The following PIEZO2 variants were observed in gnomAD, a reference collection of about 807,000 sequenced individuals.
PIEZO2 encodes the protein piezo-type mechanosensitive ion channel component 2.
Under a neutral mutation model 337.3 loss-of-function variants are expected in PIEZO2, and 172 were observed. The observed-to-expected ratio is 0.51, with a 90% CI of 0.45 to 0.58. The LOEUF (loss-of-function observed/expected upper bound fraction) is 0.58, where lower values mean the gene tolerates loss of function less well. Ranked by LOEUF, PIEZO2 falls within the 20% of genes least tolerant of loss-of-function variation. The pLI, the probability that PIEZO2 is intolerant of heterozygous loss-of-function variation, is 0.00. For missense variants in PIEZO2, 3,028 were observed against 3,391.3 expected (o/e 0.89, Z 2.66); for synonymous variants, 1,251 against 1,228.5 (o/e 1.02, Z -0.38).
Position 10,705,594 on chromosome 18 carries a change from G to A in PIEZO2, c.5741C>T (p.Ala1914Val). The change falls in exon 41 of 56, where the codon GCC becomes GTC. Residue 1914 changes from alanine to valine, a missense_variant. By Grantham distance (64) the Ala-to-Val change is moderately conservative. Transcript: ENST00000674853. ...GAGGCTGGCCTCCTCGGCACCCATG[G>A]CTCCCACATCGTACCCAGTGGCCTC... is the stretch of plus-strand genomic sequence containing the variant. ...EYEATGYDVG[A>V]MGAEEASLTP... 1.3e-6 allele frequency: 2 copies of A among 1,537,194 alleles called. No individual in the cohort carries two copies. The highest frequency in any genetic ancestry group is 8.7e-7 in the Non-Finnish European group (1 of 1,146,896).
intron 26 of PIEZO2, among the ~76,000 whole-genome samples, chr18:10,758,569 C>T (rs113138073): frequency 0.21 from 32,629 of 152,086 alleles, 3,741 homozygotes; most frequent in Non-Finnish European, 0.26. Flanking sequence ...CCTCAGCCTC[C>T]CAAGTAGCTG....
intron 2 of PIEZO2, among the ~76,000 whole-genome samples, chr18:11,014,874 C>T (rs188613783): frequency 2.3e-5 from 3 of 129,760 alleles, no homozygotes; most frequent in East Asian, 2.6e-4. Context: ...CGATCCAAGG[C>T]CCCCTCATTC....
chr18:10,836,351 T>C (rs2041013774), intron 7 of PIEZO2, among the ~76,000 whole-genome samples: 2 of 152,164 alleles, frequency 1.3e-5, no homozygotes, highest in African/African-American at 4.8e-5. Context: ...ATGAATATTT[T>C]TGAGATGAAA....
rs2039778224 is a variant in PIEZO2, at chr18:11,112,887, A to G, written c.64+35638T>C. On this transcript the variant is annotated intron_variant, in intron 1 of 55. Transcript: ENST00000674853. The surrounding 1 kb of genome is among the most constrained non-coding windows in gnomAD (Gnocchi z 4.3). ...ATATCCTGATCCTCAGGTTCTCTCA[A>G]ACAGTCTCTGGGCCCATCTAAGACT... is the stretch of plus-strand genomic sequence containing the variant. Among the ~76,000 whole-genome samples the G allele has an allele frequency of 6.6e-6, 1 of 152,122 alleles. No individual in the cohort carries two copies. The highest frequency in any genetic ancestry group is 1.5e-5 in the Non-Finnish European group (1 of 68,026).
chr18:10,835,600 G>C (rs1228050768), intron 7 of PIEZO2, among the ~76,000 whole-genome samples: 3 of 150,964 alleles, frequency 2.0e-5, no homozygotes, highest in Non-Finnish European at 4.4e-5. Context: ...CTGGAGTGCA[G>C]TGGCGCGATC....
rs2038761029 is a variant in PIEZO2, at chr18:10,775,756, C to T, written c.2535-1718G>A. 6.6e-6 allele frequency among the ~76,000 whole-genome samples: 1 copy of T among 152,088 alleles called. No individual in the cohort carries two copies. Among genetic ancestry groups the T allele is most frequent in the Non-Finnish European group, 1.5e-5 (1 of 68,018 alleles). ...GCCTTTTGGAAGTAGGTCCACAAGGCTGATTTCTAGAAACTTGTAATGGGA... is the reference window on the plus strand; with the variant it reads ...GCCTTTTGGAAGTAGGTCCACAAGGTTGATTTCTAGAAACTTGTAATGGGA... On this transcript the variant is annotated intron_variant, in intron 18 of 55. Transcript: ENST00000674853. This position sits in a 1 kb window ranked among gnomAD's most constrained non-coding sequence, Gnocchi z 4.3.
intron 45 of PIEZO2, among the ~76,000 whole-genome samples, 156 bp from the exon 46 acceptor site, chr18:10,696,695 C>G (rs1303842503): frequency 6.6e-6 from 1 of 152,208 alleles, no homozygotes; most frequent in Non-Finnish European, 1.5e-5. Context: ...CCGCTGTGGA[C>G]AGCTCCTGTT....
intron 7 of PIEZO2, among the ~76,000 whole-genome samples, chr18:10,838,205 G>A (rs1296469660): frequency 6.6e-6 from 1 of 151,992 alleles, no homozygotes; most frequent in African/African-American, 2.4e-5. Context: ...TTGCTAGTTC[G>A]GCTTCCAATT....
In PIEZO2 at chr18:10,994,054, T is replaced by C. The variant is rs113080063; in HGVS notation, c.161-14394A>G. 3.9e-3 allele frequency among the ~76,000 whole-genome samples: 589 copies of C among 152,314 alleles called. 6 individuals carry two copies. Among genetic ancestry groups the C allele is most frequent in the African/African-American group, 0.013 (541 of 41,564 alleles). On this transcript the variant is annotated intron_variant, in intron 2 of 55. Coordinates refer to ENST00000674853, the MANE Select transcript of PIEZO2 (RefSeq NM_001378183.1). Reference sequence around the variant, plus strand: ...CACAAAGTCTATTGTATCATTCTTTTGCCTTTGCATCTTACAGTTTAGCTT... The same window carrying C: ...CACAAAGTCTATTGTATCATTCTTTCGCCTTTGCATCTTACAGTTTAGCTT...
In PIEZO2 at chr18:10,783,710, A is replaced by G. The variant is rs2039112151; in HGVS notation, c.2492+1074T>C. On this transcript the variant is annotated intron_variant, in intron 17 of 55. Coordinates refer to ENST00000674853, the MANE Select transcript of PIEZO2 (RefSeq NM_001378183.1). The surrounding 1 kb of genome is among the most constrained non-coding windows in gnomAD (Gnocchi z 4.3). The stretch of plus-strand genomic sequence containing the variant: ...TGACTGATTGATACCTCTTGGTTCC[A>G]TGGGTTACGAGTCATCTGAAGTATC... 6.6e-6 allele frequency among the ~76,000 whole-genome samples: 1 copy of G among 152,192 alleles called. No individual in the cohort carries two copies. The highest frequency in any genetic ancestry group is 2.4e-5 in the African/African-American group (1 of 41,446).
chr18:10,773,516 C>T lies in PIEZO2; in HGVS notation c.2681G>A (p.Gly894Asp). 4 of 1,537,462 alleles carry T rather than the reference C, an allele frequency of 2.6e-6. No individual in the cohort carries two copies. The highest frequency in any genetic ancestry group is 3.5e-6 in the Non-Finnish European group (4 of 1,146,968). Residue 894 changes from glycine (G) to aspartate (D), a missense_variant, in exon 20 of 56, where the codon GGC (glycine) becomes GAC (aspartate). Around this residue, in one of 5 missense-constraint regions of PIEZO2, gnomAD observed 1,925 missense variants for 2,051.9 expected, o/e 0.94. Transcript: ENST00000674853. This position sits in a 1 kb window ranked among gnomAD's most constrained non-coding sequence, Gnocchi z 5.3. ...ACCCTTCTGGGCTTTTTCAGAGTAG[C>T]CCTCAAGCTTCTCCTCCCCAGGCTC... ...LAEPGEEKLE[G>D]YSEKAQKGDL...
chr18:10,893,382 CACCTCA>C (rs1334246214), intron 4 of PIEZO2, among the ~76,000 whole-genome samples: 1 of 152,188 alleles, frequency 6.6e-6, no homozygotes, highest in Non-Finnish European at 1.5e-5. Context: ...AGGTCACACC[CACCTCA>C]ACCTCACTGC....
In PIEZO2 at chr18:10,850,194, ACT is replaced by A. The variant is rs2041501245; in HGVS notation, c.917+5157_917+5158del. 6.6e-6 allele frequency among the ~76,000 whole-genome samples: 1 copy of A among 152,118 alleles called. No individual in the cohort carries two copies. Among genetic ancestry groups the A allele is most frequent in the South Asian group, 2.1e-4 (1 of 4,820 alleles). On this transcript the variant is annotated intron_variant, in intron 7 of 55. Coordinates refer to ENST00000674853, the MANE Select transcript of PIEZO2 (RefSeq NM_001378183.1). The surrounding 1 kb of genome is among the most constrained non-coding windows in gnomAD (Gnocchi z 4.5). ...TCTCCTGGATAAAAGTAATGCAAAA[ACT>A]CAACCACATGTGCAGATGAAACTGG... is the stretch of plus-strand genomic sequence containing the variant.
chr18:11,128,855 G>A lies in PIEZO2; in HGVS notation c.64+19670C>T, dbSNP rs1477499954. Among the ~76,000 whole-genome samples the A allele has an allele frequency of 1.3e-5, 2 of 152,156 alleles. No homozygotes were observed. Among genetic ancestry groups the A allele is most frequent in the Non-Finnish European group, 2.9e-5 (2 of 68,030 alleles). ...TATATAAACAACAATCTGGAGAACAGGCCTGGGAATGGATATTAAGGGTAT... is the reference window on the plus strand; with the variant it reads ...TATATAAACAACAATCTGGAGAACAAGCCTGGGAATGGATATTAAGGGTAT... On this transcript the variant is annotated intron_variant, in intron 1 of 55. Transcript: ENST00000674853. This position sits in a 1 kb window ranked among gnomAD's most constrained non-coding sequence, Gnocchi z 4.1.
chr18:10,839,556 CCA>C (rs1037689663), intron 7 of PIEZO2, among the ~76,000 whole-genome samples: 4 of 135,166 alleles, frequency 3.0e-5, no homozygotes, highest in African/African-American at 1.0e-4. Flanking sequence ...CTTTGCCAGA[CCA>C]CTTCATGTGC....
In PIEZO2 at chr18:10,945,074, T is replaced by A. The variant is rs2032945222; in HGVS notation, c.287-33846A>T. On this transcript the variant is annotated intron_variant, in intron 3 of 55. Transcript: ENST00000674853. The surrounding 1 kb of genome is among the most constrained non-coding windows in gnomAD (Gnocchi z 4.0). The stretch of plus-strand genomic sequence containing the variant: ...ACAGGAAAGAGTATTAGAGAATAGA[T>A]TGCAGCACAGAAGAAGGGCCCCGGA... Among the ~76,000 whole-genome samples, 1 of 152,052 alleles carries A rather than the reference T, an allele frequency of 6.6e-6. No individual in the cohort carries two copies. Among genetic ancestry groups the A allele is most frequent in the Non-Finnish European group, 1.5e-5 (1 of 68,008 alleles).
rs144456267 is a variant in PIEZO2 at position 10,973,432 on chromosome 18, C to T, written c.286+6103G>A. Among the ~76,000 whole-genome samples, 2 of 152,298 alleles carry T rather than the reference C, an allele frequency of 1.3e-5. No homozygotes were observed. Among genetic ancestry groups the T allele is most frequent in the East Asian group, 1.9e-4 (1 of 5,178 alleles). On this transcript the variant is annotated intron_variant, in intron 3 of 55. Coordinates refer to ENST00000674853, the MANE Select transcript of PIEZO2 (RefSeq NM_001378183.1). The surrounding 1 kb of genome is among the most constrained non-coding windows in gnomAD (Gnocchi z 4.9). ...CTCCATCTAGGTCGGCATATGTCTC[C>T]GTGAGGCAGTGCCTCAATCACCAGG...
chr18:10,830,138 T>C lies in PIEZO2; in HGVS notation c.918-22864A>G, dbSNP rs945221150. Among the ~76,000 whole-genome samples the C allele has an allele frequency of 6.6e-6, 1 of 152,118 alleles. No individual in the cohort carries two copies. Among genetic ancestry groups the C allele is most frequent in the African/African-American group, 2.4e-5 (1 of 41,438 alleles). On this transcript the variant is annotated intron_variant, in intron 7 of 55. Transcript: ENST00000674853. The surrounding 1 kb of genome is among the most constrained non-coding windows in gnomAD (Gnocchi z 4.7). ...ACAGAATAGGGAAGCCAGTAATTCA[T>C]ACATCTACAGTGAACTTGCTTTTGA... is the stretch of plus-strand genomic sequence containing the variant.
Position 10,718,245 on chromosome 18 carries a change from C to A in PIEZO2, c.5044G>T (p.Glu1682Ter). The A allele has an allele frequency of 6.5e-7, 1 of 1,536,982 alleles. No individual in the cohort carries two copies. Among genetic ancestry groups the A allele is most frequent in the Non-Finnish European group, 8.7e-7 (1 of 1,146,684 alleles). ...KGSKEGPVEW[E>*]DREDEPIKKK... is the part of the protein sequence containing the mutation. ...TTGATTGGTTCATCCTCCCGGTCTT[C>A]CCATTCCACAGGACCTGCCAAGTGT... Residue 1682 changes from glutamate (E) to a stop codon, truncating the protein, a stop_gained, in exon 37 of 56, where the codon GAA becomes TAA. Transcript: ENST00000674853. LOFTEE classifies it high-confidence loss of function.
Sources: gnomAD v4.1 joint callset for allele counts (sites outside exome capture counted in the v4.1 genomes callset) on GRCh38, gnomAD v4.1.1 for gene constraint, gnomAD v4.1.1 regional missense constraint, Gnocchi (gnomAD v3.1) non-coding constraint, MANE v1.5 for transcripts, NCBI Gene and HGNC (gene_info 2026-07-23, HGNC 2026-07-21) for gene names.